Variants in SH3GL3 observed in about 807,000 individuals in gnomAD.
The protein encoded by SH3GL3 is endophilin-A3.
In SH3GL3, 33 loss-of-function variants were observed where a neutral mutation model predicts 47.7. The observed-to-expected ratio is 0.69, with a 90% CI of 0.52 to 0.92. SH3GL3 has a LOEUF of 0.92. SH3GL3 is among the 40% of genes least tolerant of loss of function. SH3GL3 has a pLI of 0.00. For synonymous variants in SH3GL3, 155 were observed against 148.8 expected (o/e 1.04, Z -0.30); for missense variants, 363 against 417.8 (o/e 0.87, Z 1.14).
At chr15:83,588,222 C>T (rs1465057033) in intron 7 of SH3GL3, among the ~76,000 whole-genome samples, 1 of 152,194 alleles carries the variant, frequency 6.6e-6, no homozygotes, top group Admixed American at 6.5e-5. Context: ...CCTCCACCTT[C>T]CAGTTTCAAG....
At chr15:83,609,950 T>C (rs1240611832) in intron 8 of SH3GL3, among the ~76,000 whole-genome samples, 2 of 151,830 alleles carry the variant, frequency 1.3e-5, no homozygotes, top group Admixed American at 6.6e-5. Context: ...CCACCTGGAG[T>C]GGGCACTGTT....
chr15:83,473,934 A>T (rs1462921732), intron 1 of SH3GL3, among the ~76,000 whole-genome samples: 5 of 151,726 alleles, frequency 3.3e-5, no homozygotes, highest in Non-Finnish European at 7.4e-5. Context: ...GTGAGGGAAA[A>T]AGAAAACTGA....
chr15:83,545,743 G>A (rs2044362639), intron 1 of SH3GL3, among the ~76,000 whole-genome samples: 1 of 152,338 alleles, frequency 6.6e-6, no homozygotes, highest in South Asian at 2.1e-4. Context: ...GCATTAGGGA[G>A]TGCCCTAAGC....
chr15:83,471,436 A>G (rs931419146), intron 1 of SH3GL3, among the ~76,000 whole-genome samples: 1 of 152,236 alleles, frequency 6.6e-6, no homozygotes, highest in Non-Finnish European at 1.5e-5. Flanking sequence ...ACAAATTAAA[A>G]GCTAACTTAG....
chr15:83,559,123 T>G, intron 1 of SH3GL3, 130 bp from the exon 2 acceptor site: 1 of 630,026 alleles, frequency 1.6e-6, no homozygotes, highest in Admixed American at 2.9e-5. Context: ...AACAATTTTC[T>G]TAAAGGAGTT....
intron 1 of SH3GL3, among the ~76,000 whole-genome samples, chr15:83,509,094 T>TA (rs2042638859): frequency 1.3e-5 from 2 of 152,216 alleles, no homozygotes; most frequent in South Asian, 4.1e-4. Context: ...ACTACACATT[T>TA]AAAAAATACA....
the SH3GL3 span, among the ~76,000 whole-genome samples, chr15:83,629,853 C>T: frequency 1.3e-5 from 2 of 149,004 alleles, no homozygotes; most frequent in African/African-American, 4.9e-5. Flanking sequence ...GTACCATAGA[C>T]CTAGACATAC....
intron 1 of SH3GL3, among the ~76,000 whole-genome samples, chr15:83,532,060 AT>A (rs1424075803): frequency 6.6e-6 from 1 of 152,210 alleles, no homozygotes; most frequent in African/African-American, 2.4e-5. Context: ...CTGAGAGTCC[AT>A]TACATTTTTC....
At position 83,448,529 on chromosome 15, in the gene SH3GL3, C is replaced by T. The variant is rs2039567892; in HGVS notation, c.45+951C>T. Among the ~76,000 whole-genome samples, 1 of 150,884 alleles carries T rather than the reference C, an allele frequency of 6.6e-6. No individual in the cohort carries two copies. Among genetic ancestry groups the T allele is most frequent in the Admixed American group, 6.6e-5 (1 of 15,140 alleles). On this transcript the variant is annotated intron_variant, in intron 1 of 8. Coordinates refer to ENST00000427482, the MANE Select transcript of SH3GL3 (RefSeq NM_003027.5). This position sits in a 1 kb window ranked among gnomAD's most constrained non-coding sequence, Gnocchi z 4.2. ...TCAACATCAACATTGCAGGCTCTTC[C>T]AGCTATGGCAGAGCTCACGTTGTAA... is the stretch of plus-strand genomic sequence containing the variant.
chr15:83,613,976 T>C (rs540093565), intron 8 of SH3GL3, among the ~76,000 whole-genome samples: 67 of 152,320 alleles, frequency 4.4e-4, no homozygotes, highest in Admixed American at 1.4e-3. Context: ...ACCTGACCCC[T>C]TCTCTGTTAA....
chr15:83,533,226 G>A (rs955960648), intron 1 of SH3GL3, among the ~76,000 whole-genome samples: 1 of 152,166 alleles, frequency 6.6e-6, no homozygotes, highest in Admixed American at 6.5e-5. Flanking sequence ...TAGAATATGG[G>A]GAAATAATGG....
intron 8 of SH3GL3, among the ~76,000 whole-genome samples, chr15:83,599,267 G>A (rs1347299958): frequency 1.3e-5 from 2 of 152,098 alleles, no homozygotes; most frequent in African/African-American, 4.8e-5. Context: ...CTGTTTAGTG[G>A]TGATATTTGT....
rs1297511562 is a variant in SH3GL3, at chr15:83,448,003, C to T, written c.45+425C>T. On this transcript the variant is annotated intron_variant, in intron 1 of 8. Coordinates refer to ENST00000427482, the MANE Select transcript of SH3GL3 (RefSeq NM_003027.5). The surrounding 1 kb of genome is among the most constrained non-coding windows in gnomAD (Gnocchi z 4.2). ...GCCTCGTGGGGGGCCCATCCTCCACCGGCCACCGGCGCCTCCAGAGATGCT... is the reference window on the plus strand; with the variant it reads ...GCCTCGTGGGGGGCCCATCCTCCACTGGCCACCGGCGCCTCCAGAGATGCT... Among the ~76,000 whole-genome samples the T allele has an allele frequency of 6.6e-6, 1 of 152,176 alleles. No homozygotes were observed. Among genetic ancestry groups the T allele is most frequent in the Admixed American group, 6.5e-5 (1 of 15,282 alleles).
At chr15:83,609,225 A>G in intron 8 of SH3GL3, 2 of 456,030 alleles carry the variant, frequency 4.4e-6, no homozygotes, top group Non-Finnish European at 8.8e-6. Context: ...GGAGCCCACA[A>G]TGCAGCGCTG....
chr15:83,586,999 A>C lies in SH3GL3; in HGVS notation c.641A>C (p.Gln214Pro), dbSNP rs1188971749. ...CTGCTGCAGGTAGAACAAGTCAGCC[A>C]GTTGGCTGTGTTCATAGAGGCAGCA... ...FLENDVEQVS[Q>P]LAVFIEAALD... The change falls in exon 7 of 9, where the codon CAG becomes CCG. Residue 214 changes from glutamine (Q) to proline (P), a missense_variant. Transcript: ENST00000427482. 1.2e-6 allele frequency: 2 copies of C among 1,605,914 alleles called. No homozygotes were observed. The highest frequency in any genetic ancestry group is 1.7e-6 in the Non-Finnish European group (2 of 1,175,664).
the SH3GL3 span, among the ~76,000 whole-genome samples, chr15:83,633,648 G>A: frequency 6.6e-6 from 1 of 152,192 alleles, no homozygotes; most frequent in Non-Finnish European, 1.5e-5. Context: ...ACCAAAGCAA[G>A]TCATGGGCCC....
At chr15:83,541,457 C>T (rs1267502260) in intron 1 of SH3GL3, among the ~76,000 whole-genome samples, 1 of 150,904 alleles carries the variant, frequency 6.6e-6, no homozygotes, top group Non-Finnish European at 1.5e-5. Flanking sequence ...CCTCAGCCTC[C>T]CGAGTAGCTG....
intron 1 of SH3GL3, chr15:83,490,745 A>C (rs1180777403): frequency 1.3e-6 from 2 of 1,592,494 alleles, no homozygotes. Flanking sequence ...TTCACTTTTA[A>C]TTACAGGAGC....
At chr15:83,578,331 C>T (rs2059740790) in intron 6 of SH3GL3, among the ~76,000 whole-genome samples, 1 of 152,190 alleles carries the variant, frequency 6.6e-6, no homozygotes, top group South Asian at 2.1e-4. Context: ...GGAGCTGTCT[C>T]AGCCCCAGCA....
Sources: gnomAD v4.1 joint callset for allele counts (sites outside exome capture counted in the v4.1 genomes callset) on GRCh38, gnomAD v4.1.1 for gene constraint, Gnocchi (gnomAD v3.1) non-coding constraint, MANE v1.5 for transcripts, NCBI Gene and HGNC (gene_info 2026-07-23, HGNC 2026-07-21) for gene names.